The following RIMS1 variants were observed in gnomAD, a reference collection of about 807,000 sequenced individuals.
RIMS1 encodes regulating synaptic membrane exocytosis protein 1.
In RIMS1, 83 loss-of-function variants were observed where a neutral mutation model predicts 214.1. That is an observed-to-expected ratio of 0.39 (90% CI 0.32 to 0.47). The LOEUF (loss-of-function observed/expected upper bound fraction) is 0.47. RIMS1 is among the 20% of genes least tolerant of loss of function. RIMS1 has a pLI of 0.99. For synonymous variants in RIMS1, 793 were observed against 786.8 expected (o/e 1.01, Z -0.13); for missense variants, 2,050 against 2,161.8 (o/e 0.95, Z 1.03).
At chr6:72,101,917 C>CT (rs1562314353) in intron 4 of RIMS1, among the ~76,000 whole-genome samples, 1 of 151,824 alleles carries the variant, frequency 6.6e-6, no homozygotes, top group African/African-American at 2.4e-5. Flanking sequence ...TAAAGAATGA[C>CT]TTTGTAATGG....
At chr6:72,254,860 G>A (rs528361755) in intron 16 of RIMS1, among the ~76,000 whole-genome samples, 59 of 152,042 alleles carry the variant, frequency 3.9e-4, no homozygotes, top group Non-Finnish European at 8.1e-4. Flanking sequence ...CCCTCAAAGT[G>A]TTTGCAAACA....
chr6:72,400,728 G>C lies in RIMS1; in HGVS notation c.*14G>C. ...ATTCGATCATAGTGAACTCATACCA[G>C]AGTCATTCCAATAAAACTCTACTTT... On this transcript the variant is annotated 3_prime_UTR_variant, in exon 34 of 34. Coordinates refer to ENST00000521978, the MANE Select transcript of RIMS1 (RefSeq NM_014989.7). 1.3e-6 allele frequency: 2 copies of C among 1,562,900 alleles called. No individual in the cohort carries two copies. The highest frequency in any genetic ancestry group is 1.8e-6 in the Non-Finnish European group (2 of 1,136,976).
At chr6:72,058,435 C>G (rs1351100750) in intron 2 of RIMS1, among the ~76,000 whole-genome samples, 4 of 152,228 alleles carry the variant, frequency 2.6e-5, no homozygotes, top group Non-Finnish European at 5.9e-5. Flanking sequence ...ACAAAATGGT[C>G]TACCCATCTT....
chr6:72,147,272 C>T (rs928892568), intron 4 of RIMS1, among the ~76,000 whole-genome samples: 2 of 152,128 alleles, frequency 1.3e-5, no homozygotes, highest in Non-Finnish European at 2.9e-5. Context: ...AAATAAACAT[C>T]ACATACATAA....
chr6:72,358,714 A>G (rs936249143), intron 29 of RIMS1, among the ~76,000 whole-genome samples: 2 of 152,176 alleles, frequency 1.3e-5, no homozygotes, highest in Non-Finnish European at 2.9e-5. Flanking sequence ...AGCCTTGTCT[A>G]TTGATTGAAG....
At chr6:72,202,855 C>T (rs778383539) in intron 6 of RIMS1, among the ~76,000 whole-genome samples, 54 of 152,154 alleles carry the variant, frequency 3.5e-4, no homozygotes, top group Non-Finnish European at 5.7e-4. Flanking sequence ...CAAGTTCAAT[C>T]GTTTTAGAAC....
intron 29 of RIMS1, among the ~76,000 whole-genome samples, chr6:72,341,646 A>G (rs1380673535): frequency 6.6e-6 from 1 of 151,780 alleles, no homozygotes; most frequent in Non-Finnish European, 1.5e-5. Context: ...GAAATCATTC[A>G]CACCTGAAAT....
chr6:72,276,828 A>G (rs2086716935), intron 23 of RIMS1, among the ~76,000 whole-genome samples: 1 of 152,216 alleles, frequency 6.6e-6, no homozygotes, highest in African/African-American at 2.4e-5. Context: ...GAACGTTGGC[A>G]TTTCATTTCT....
intron 1 of RIMS1, among the ~76,000 whole-genome samples, chr6:71,935,168 T>C (rs1299397358): frequency 1.3e-5 from 2 of 152,170 alleles, no homozygotes; most frequent in Non-Finnish European, 2.9e-5. Flanking sequence ...CCTAAAGAAT[T>C]AACCCTTTCC....
At chr6:72,112,211 A>C (rs971708662) in intron 4 of RIMS1, among the ~76,000 whole-genome samples, 38 of 151,948 alleles carry the variant, frequency 2.5e-4, no homozygotes, top group African/African-American at 9.2e-4. Flanking sequence ...ATATATCCAC[A>C]ATGCAACCTC....
intron 29 of RIMS1, among the ~76,000 whole-genome samples, chr6:72,374,165 G>A (rs1354375231): frequency 2.0e-5 from 3 of 152,104 alleles, no homozygotes; most frequent in East Asian, 1.9e-4. Context: ...CGCCCGCCTC[G>A]GCCTCCCATA....
At chr6:72,330,961 C>T (rs1276454366) in intron 28 of RIMS1, among the ~76,000 whole-genome samples, 6 of 151,360 alleles carry the variant, frequency 4.0e-5, no homozygotes. Flanking sequence ...GAAAAAAAAA[C>T]TCATATTTTA....
rs374510061 is a variant in RIMS1 at position 72,402,458 on chromosome 6, C to T, written c.*1744C>T. 2.0e-5 allele frequency: 3 copies of T among 151,806 alleles called. No homozygotes were observed. The highest frequency in any genetic ancestry group is 3.9e-4 in the East Asian group (2 of 5,120). The allele number at this position is 151,806 out of a possible 1,614,324, so 9.4% of individuals were successfully genotyped here. On this transcript the variant is annotated 3_prime_UTR_variant, in exon 34 of 34. Transcript: ENST00000521978. ...ATAAATATTTTGGTGTAGATTCCTA[C>T]TGTGGGGCTGTAACACATGTAGACA...
chr6:72,205,113 T>C (rs1589087196), intron 6 of RIMS1, among the ~76,000 whole-genome samples: 1 of 152,190 alleles, frequency 6.6e-6, no homozygotes, highest in Non-Finnish European at 1.5e-5. Context: ...TTAATTATTT[T>C]AGTAATTTGG....
In RIMS1 at chr6:72,080,074, T is replaced by TAAAAA. The variant is rs770845471; in HGVS notation, c.246-16847_246-16843dup. Among the ~76,000 whole-genome samples the TAAAAA allele has an allele frequency of 7.6e-4, 17 of 22,404 alleles. 2 individuals are homozygous for TAAAAA. The highest frequency in any genetic ancestry group is 1.1e-3 in the African/African-American group (8 of 7,220). 14.7% of individuals were successfully genotyped at this position (22,404 alleles called of 152,430 possible). A position where few individuals can be genotyped will look rare whatever the true frequency, so the allele number is the denominator to read the frequency against. On this transcript the variant is annotated intron_variant, in intron 2 of 33. Transcript: ENST00000521978. Reference sequence around the variant, plus strand: ...CAACGTGGTGAAACCGTGTCTCTACTAAAAAAAAAAAAAAAAAAAAAAAAA... The same window carrying TAAAAA: ...CAACGTGGTGAAACCGTGTCTCTACTAAAAAAAAAAAAAAAAAAAAAAAAAAAAAA...
At chr6:72,341,192 C>T (rs7770425) in intron 29 of RIMS1, among the ~76,000 whole-genome samples, 69,751 of 151,690 alleles carry the variant, frequency 0.46, 16,523 homozygotes, top group Middle Eastern at 0.51. Flanking sequence ...GCTGAGACGA[C>T]GGGGTTTTCT....
chr6:71,967,115 G>A (rs192323524), intron 1 of RIMS1, among the ~76,000 whole-genome samples: 17 of 152,252 alleles, frequency 1.1e-4, no homozygotes, highest in African/African-American at 3.9e-4. Context: ...GCGGCCAGGC[G>A]CAGTGGCTCA....
Position 72,320,000 on chromosome 6 carries a change from T to C in RIMS1, c.4130+6328T>C, listed in dbSNP as rs571777907. 2.6e-5 allele frequency among the ~76,000 whole-genome samples: 4 copies of C among 152,304 alleles called. No homozygotes were observed. The East Asian group carries it at 7.7e-4, about 29-fold the overall frequency. On this transcript the variant is annotated intron_variant, in intron 28 of 33. Transcript: ENST00000521978. ...GTATTAGATAAGTTACTTTATACTTTTAAGTCATCCTTGAATGTCTTCTGA... is the reference window on the plus strand; with the variant it reads ...GTATTAGATAAGTTACTTTATACTTCTAAGTCATCCTTGAATGTCTTCTGA...
chr6:72,393,853 C>A (rs1224483318), intron 31 of RIMS1, among the ~76,000 whole-genome samples: 1 of 152,034 alleles, frequency 6.6e-6, no homozygotes, highest in East Asian at 1.9e-4. Flanking sequence ...GATTTCCAAC[C>A]TAGAATACAA....
Sources: gnomAD v4.1 joint callset for allele counts (sites outside exome capture counted in the v4.1 genomes callset) on GRCh38, gnomAD v4.1.1 for gene constraint, MANE v1.5 for transcripts, NCBI Gene and HGNC (gene_info 2026-07-23, HGNC 2026-07-21) for gene names.